ATRN: variants seen among roughly 807,000 people sequenced by gnomAD.
ATRN encodes attractin.
In ATRN, 54 loss-of-function variants were observed where a neutral mutation model predicts 178.7. The ratio of observed to expected loss-of-function variants is 0.30; its 90% CI spans 0.24 to 0.38. The LOEUF is 0.38. Among genes scored for constraint, ATRN ranks in the 10% least tolerant of loss-of-function variants. ATRN has a pLI of 1.00. For missense variants in ATRN, 1,443 were observed against 1,815.1 expected (o/e 0.79, Z 3.73); for synonymous variants, 636 against 663.0 (o/e 0.96, Z 0.63).
rs1371390595 is a variant in ATRN, at chr20:3,648,195, CT to C, written c.*1349del. On this transcript the variant is annotated 3_prime_UTR_variant, in exon 29 of 29. Coordinates refer to ENST00000262919, the MANE Select transcript of ATRN (RefSeq NM_139321.3). ...GAGGGGCTCGACCCACCCACCCTCCCTCTCAGACCAAGGTGGTGGCTGTGAG... is the reference window on the plus strand; with the variant it reads ...GAGGGGCTCGACCCACCCACCCTCCCCTCAGACCAAGGTGGTGGCTGTGAG... 11 of 151,742 alleles carry C rather than the reference CT, an allele frequency of 7.2e-5. No homozygotes were observed. Among genetic ancestry groups the C allele is most frequent in the Admixed American group, 5.9e-4 (9 of 15,216 alleles). The allele number at this position is 151,742 out of a possible 1,614,324, so 9.4% of individuals were successfully genotyped here.
At chr20:3,576,699 A>ATCTATCTATCTATCTC (rs2086215625) in intron 13 of ATRN, among the ~76,000 whole-genome samples, 160 bp from the exon 14 acceptor site, 1 of 14,996 alleles carries the variant, frequency 6.7e-5, no homozygotes, top group African/African-American at 2.3e-4. Context: ...CTGTCTGTCT[A>ATCTATCTATCTATCTC]TCTATCTATC....
At chr20:3,541,819 G>A (rs1465246941) in intron 3 of ATRN, among the ~76,000 whole-genome samples, 1 of 152,036 alleles carries the variant, frequency 6.6e-6, no homozygotes, top group African/African-American at 2.4e-5. Flanking sequence ...AAATTTCTTT[G>A]TCTCAAACAT....
chr20:3,615,047 T>C (rs550716859), intron 24 of ATRN, among the ~76,000 whole-genome samples: 2 of 152,222 alleles, frequency 1.3e-5, no homozygotes, highest in Non-Finnish European at 2.9e-5. Flanking sequence ...ACTCTTTGGC[T>C]ATTATGAATA....
intron 24 of ATRN, among the ~76,000 whole-genome samples, chr20:3,613,379 C>T (rs1279620338): frequency 6.6e-6 from 1 of 152,176 alleles, no homozygotes; most frequent in Non-Finnish European, 1.5e-5. Flanking sequence ...GGGACCGTAT[C>T]TGGCTGTGCG....
intron 8 of ATRN, among the ~76,000 whole-genome samples, 197 bp from the exon 9 acceptor site, chr20:3,562,079 A>G (rs1271559302): frequency 6.6e-6 from 1 of 152,226 alleles, no homozygotes; most frequent in Non-Finnish European, 1.5e-5. Flanking sequence ...TTAGAACATC[A>G]GAACATAGAA....
At chr20:3,595,496 T>C (rs1181134256) in intron 20 of ATRN, among the ~76,000 whole-genome samples, 1 of 152,228 alleles carries the variant, frequency 6.6e-6, no homozygotes, top group African/African-American at 2.4e-5. Context: ...CATATATGTT[T>C]ACTAGCTTCA....
chr20:3,571,815 A>C (rs1472113075), intron 11 of ATRN, among the ~76,000 whole-genome samples: 1 of 151,974 alleles, frequency 6.6e-6, no homozygotes, highest in Non-Finnish European at 1.5e-5. Context: ...TTCCATGTAA[A>C]ACGTCTTTTT....
At chr20:3,488,456 A>T (rs953181885) in intron 1 of ATRN, among the ~76,000 whole-genome samples, 1 of 152,198 alleles carries the variant, frequency 6.6e-6, no homozygotes, top group African/African-American at 2.4e-5. Context: ...TGCTTTATGC[A>T]TATCCAATCC....
chr20:3,563,751 A>G (rs2085989345), intron 10 of ATRN, among the ~76,000 whole-genome samples: 1 of 152,180 alleles, frequency 6.6e-6, no homozygotes, highest in Admixed American at 6.5e-5. Flanking sequence ...TTGGTGTGGC[A>G]ATATACCAGA....
rs3084238 is a variant in ATRN, at chr20:3,485,610, G to GTTTTTTT, written c.410+14116_410+14122dup. ...TGGTTTGCCAATACATTTTTTTGAG[G>GTTTTTTT]TTTTTTTTTTTTTTTTTTTTTTTTT... On this transcript the variant is annotated intron_variant, in intron 1 of 28. Transcript: ENST00000262919. Among the ~76,000 whole-genome samples the GTTTTTTT allele has an allele frequency of 5.4e-3, 370 of 67,902 alleles. 36 individuals carry two copies. The highest frequency in any genetic ancestry group is 8.4e-3 in the African/African-American group (152 of 18,108). The allele number at this position is 67,902 out of a possible 152,430, so 44.5% of individuals were successfully genotyped here.
At chr20:3,528,356 A>G (rs1019946769) in intron 1 of ATRN, among the ~76,000 whole-genome samples, 1 of 146,860 alleles carries the variant, frequency 6.8e-6, no homozygotes, top group African/African-American at 2.6e-5. Context: ...AACAGGGCGA[A>G]ACTCCGTCTC....
Position 3,600,991 on chromosome 20 carries a change from A to C in ATRN, c.3610A>C (p.Asn1204His), listed in dbSNP as rs1361296454. ...DMFINASKNF[N>H]LNITWAASFS... ...GTTCATCAATGCCTCCAAGAATTTC[A>C]ACCTCAACATCACCTGGGCTGCCAG... Residue 1204 changes from asparagine to histidine, a missense_variant, in exon 23 of 29, where the codon AAC becomes CAC. Transcript: ENST00000262919. 1 of 1,613,824 alleles carries C rather than the reference A, an allele frequency of 6.2e-7. No individual in the cohort carries two copies. The highest frequency in any genetic ancestry group is 1.3e-5 in the African/African-American group (1 of 74,916).
At chr20:3,579,729 G>A (rs1478196334) in intron 15 of ATRN, among the ~76,000 whole-genome samples, 1 of 152,164 alleles carries the variant, frequency 6.6e-6, no homozygotes, top group African/African-American at 2.4e-5. Flanking sequence ...TAGACTCATA[G>A]AACAAAGCTC....
Position 3,646,944 on chromosome 20 carries a change from GGGACGGAAGACT to G in ATRN, c.*101_*112del. On this transcript the variant is annotated 3_prime_UTR_variant, in exon 29 of 29. Transcript: ENST00000262919. Reference sequence around the variant, plus strand: ...TGGCGGGGAAATGGCTGTGCGGTGCGGGACGGAAGACTGGAAACCCTCAAAGCATCTGACTCA... The same window carrying G: ...TGGCGGGGAAATGGCTGTGCGGTGCGGGAAACCCTCAAAGCATCTGACTCA... The G allele has an allele frequency of 6.9e-7, 1 of 1,456,840 alleles. No homozygotes were observed. The highest frequency in any genetic ancestry group is 9.1e-7 in the Non-Finnish European group (1 of 1,093,726). 90.2% of individuals were successfully genotyped at this position (1,456,840 alleles called of 1,614,324 possible). A position where few individuals can be genotyped will look rare whatever the true frequency, so the allele number is the denominator to read the frequency against.
At chr20:3,544,050 G>A (rs770230554) in intron 3 of ATRN, among the ~76,000 whole-genome samples, 4 of 152,126 alleles carry the variant, frequency 2.6e-5, no homozygotes, top group Non-Finnish European at 4.4e-5. Context: ...GTGAGACCTT[G>A]TCTCAAAACA....
chr20:3,542,934 C>T (rs1007261037), intron 3 of ATRN, among the ~76,000 whole-genome samples: 6 of 151,930 alleles, frequency 3.9e-5, no homozygotes, highest in African/African-American at 7.3e-5. Flanking sequence ...CCACTGCACC[C>T]GGCCGAAGAT....
chr20:3,632,059 T>C lies in ATRN; in HGVS notation c.3864-2252T>C, dbSNP rs2086993504. 6.6e-6 allele frequency among the ~76,000 whole-genome samples: 1 copy of C among 152,174 alleles called. No individual in the cohort carries two copies. The highest frequency in any genetic ancestry group is 1.5e-5 in the Non-Finnish European group (1 of 68,022). On this transcript the variant is annotated intron_variant, in intron 25 of 28. Transcript: ENST00000262919. This position sits in a 1 kb window ranked among gnomAD's most constrained non-coding sequence, Gnocchi z 4.2. ...ATATCCTTATGCCTTCCAAATGCCATGCCCAGCCCAGACCTGGCAGCCAGC... is the reference window on the plus strand; with the variant it reads ...ATATCCTTATGCCTTCCAAATGCCACGCCCAGCCCAGACCTGGCAGCCAGC...
At position 3,547,269 on chromosome 20, in the gene ATRN, C is replaced by G; in HGVS notation, c.738-15C>G. 1 of 1,598,372 alleles carries G rather than the reference C, an allele frequency of 6.3e-7. No homozygotes were observed. The highest frequency in any genetic ancestry group is 8.6e-7 in the Non-Finnish European group (1 of 1,165,890). ...TTGCGTTGTGTTAATGTAATTTTCC[C>G]TGCTATTTTTACAGTTTTGATATGT... On this transcript the variant is annotated splice_polypyrimidine_tract_variant and intron_variant, in intron 4 of 28. Coordinates refer to ENST00000262919, the MANE Select transcript of ATRN (RefSeq NM_139321.3).
intron 1 of ATRN, among the ~76,000 whole-genome samples, chr20:3,481,254 A>T (rs1044536092): frequency 3.3e-5 from 5 of 151,944 alleles, no homozygotes; most frequent in African/African-American, 1.2e-4. Flanking sequence ...TATCTCTTTA[A>T]CTGCTTTTCT....
Sources: gnomAD v4.1 joint callset for allele counts (sites outside exome capture counted in the v4.1 genomes callset) on GRCh38, gnomAD v4.1.1 for gene constraint, Gnocchi (gnomAD v3.1) non-coding constraint, MANE v1.5 for transcripts, NCBI Gene and HGNC (gene_info 2026-07-23, HGNC 2026-07-21) for gene names.